Variants in CACNA2D3 observed in about 807,000 individuals in gnomAD.
CACNA2D3 encodes voltage-dependent calcium channel subunit alpha-2/delta-3.
CACNA2D3 carries 60 observed loss-of-function variants against 160.6 expected under a neutral mutation model. The ratio of observed to expected loss-of-function variants is 0.37; its 90% CI spans 0.30 to 0.46. CACNA2D3 has a LOEUF of 0.46. Among genes scored for constraint, CACNA2D3 ranks in the 20% least tolerant of loss-of-function variants. The pLI, the probability that CACNA2D3 is intolerant of heterozygous loss-of-function variation, is 1.00. For synonymous variants in CACNA2D3, 558 were observed against 492.9 expected, an observed-to-expected ratio of 1.13 and a Z score of -1.75; for missense variants, 1,205 against 1,365.0, an observed-to-expected ratio of 0.88 and a Z score of 1.85.
chr3:54,677,594 T>C (rs527711666), intron 11 of CACNA2D3, among the ~76,000 whole-genome samples: 7 of 143,270 alleles, frequency 4.9e-5, no homozygotes, highest in Non-Finnish European at 7.6e-5. Flanking sequence ...AAAACAATGA[T>C]ATTTGAATAG....
intron 13 of CACNA2D3, among the ~76,000 whole-genome samples, chr3:54,812,908 A>G (rs907130271): frequency 1.1e-4 from 17 of 152,350 alleles, no homozygotes; most frequent in African/African-American, 3.1e-4. Flanking sequence ...AAAGCAAAAG[A>G]GCTAAAACTG....
At chr3:54,932,725 T>C (rs1701221196) in intron 27 of CACNA2D3, among the ~76,000 whole-genome samples, 2 of 152,324 alleles carry the variant, frequency 1.3e-5, no homozygotes, top group East Asian at 3.9e-4. Context: ...AATTGTAAGG[T>C]CTGCCTTGGT....
In CACNA2D3 at chr3:54,969,800, T is replaced by G; in HGVS notation, c.2512T>G (p.Cys838Gly). ...TTCCCTCCACTTTTTGCCTTCACAG[T>G]GTGCTTCCCTGGATGGCAAATGCTC... The part of the protein sequence containing the change: ...QRKFWTASRQ[C>G]ASLDGKCSIS... Residue 838 changes from cysteine (C) to glycine (G), a missense_variant and splice_region_variant, in exon 29 of 38, where the codon TGT becomes GGT. Physicochemically the swap from Cys to Gly is radical, Grantham distance 159. This residue lies in a region of CACNA2D3 where 911 missense variants were observed against 1,002.2 expected (regional missense o/e 0.91). Coordinates refer to ENST00000474759, the MANE Select transcript of CACNA2D3 (RefSeq NM_018398.3). 1.2e-6 allele frequency: 2 copies of G among 1,612,558 alleles called. No homozygotes were observed. The highest frequency in any genetic ancestry group is 1.7e-6 in the Non-Finnish European group (2 of 1,179,208).
chr3:54,188,567 C>T (rs1576987686), intron 2 of CACNA2D3, among the ~76,000 whole-genome samples: 1 of 152,172 alleles, frequency 6.6e-6, no homozygotes, highest in Non-Finnish European at 1.5e-5. Context: ...CTGTGATAGA[C>T]CACTTGGAGT....
chr3:54,984,604 C>A lies in CACNA2D3; in HGVS notation c.2557-4C>A. The A allele has an allele frequency of 2.7e-6, 4 of 1,503,678 alleles. No individual in the cohort carries two copies. The African/African-American group carries it at 5.8e-5, about 22-fold the overall frequency. The allele number at this position is 1,503,678 out of a possible 1,614,324, so 93.1% of individuals were successfully genotyped here. ...TTGTTTTTGTTTTTTTTTTAATTTT[C>A]TAGACTGTGAATTGTTACCTCATAG... is the stretch of plus-strand genomic sequence containing the variant. On this transcript the variant is annotated splice_region_variant and splice_polypyrimidine_tract_variant and intron_variant, in intron 29 of 37. Transcript: ENST00000474759.
intron 24 of CACNA2D3, among the ~76,000 whole-genome samples, chr3:54,890,423 G>C (rs1386746963): frequency 1.3e-5 from 2 of 149,644 alleles, no homozygotes; most frequent in African/African-American, 2.5e-5. Context: ...ATGAACCCGG[G>C]AGGCGGAGCT....
intron 27 of CACNA2D3, among the ~76,000 whole-genome samples, chr3:54,906,803 C>G (rs1700457742): frequency 6.6e-6 from 1 of 152,152 alleles, no homozygotes; most frequent in South Asian, 2.1e-4. Flanking sequence ...AGGTCTAAGC[C>G]AGTAGGACTG....
chr3:54,399,887 C>T (rs1168553142), intron 4 of CACNA2D3, among the ~76,000 whole-genome samples: 1 of 124,880 alleles, frequency 8.0e-6, no homozygotes, highest in Non-Finnish European at 1.7e-5. Context: ...TGGCGGGCGC[C>T]CCTCCCCCAG....
intron 24 of CACNA2D3, among the ~76,000 whole-genome samples, 153 bp from the exon 25 acceptor site, chr3:54,891,180 CGTGTGTGTGTGTGTGTGTGTGT>C (rs3836392): frequency 2.1e-5 from 3 of 141,900 alleles, no homozygotes; most frequent in South Asian, 2.4e-4. Flanking sequence ...AATCTGTGCT[CGTGTGTGTGTGTGTGTGTGTGT>C]GTGTGTGTGT....
chr3:54,702,877 A>G (rs1559553619), intron 11 of CACNA2D3, among the ~76,000 whole-genome samples: 1 of 152,264 alleles, frequency 6.6e-6, no homozygotes, highest in African/African-American at 2.4e-5. Flanking sequence ...GTACATACAC[A>G]TCATGGAATA....
intron 3 of CACNA2D3, among the ~76,000 whole-genome samples, chr3:54,380,601 G>C (rs907300067): frequency 6.6e-6 from 1 of 152,210 alleles, no homozygotes; most frequent in African/African-American, 2.4e-5. Context: ...AGCCAGGCAT[G>C]GTAGCGGGCA....
chr3:54,621,353 G>T (rs976219474), intron 9 of CACNA2D3, among the ~76,000 whole-genome samples: 2 of 152,248 alleles, frequency 1.3e-5, no homozygotes, highest in Non-Finnish European at 2.9e-5. Flanking sequence ...GTGGCTGTTT[G>T]TCAGAGATAA....
At chr3:54,768,849 T>C (rs913517551) in intron 13 of CACNA2D3, among the ~76,000 whole-genome samples, 1 of 152,212 alleles carries the variant, frequency 6.6e-6, no homozygotes, top group African/African-American at 2.4e-5. Context: ...CCCAAGGTTC[T>C]GTTGCTGTAT....
At chr3:55,039,122 C>T (rs953266137) in intron 35 of CACNA2D3, among the ~76,000 whole-genome samples, 9 of 151,768 alleles carry the variant, frequency 5.9e-5, no homozygotes, top group African/African-American at 1.5e-4. Context: ...CTAGCATCTT[C>T]GCAAAATACA....
chr3:54,434,688 C>T (rs1164572967), intron 4 of CACNA2D3, among the ~76,000 whole-genome samples: 1 of 152,216 alleles, frequency 6.6e-6, no homozygotes, highest in East Asian at 1.9e-4. Flanking sequence ...AGTCAGGGGT[C>T]AGGCCCACCC....
At chr3:54,689,305 C>G (rs1165521281) in intron 11 of CACNA2D3, among the ~76,000 whole-genome samples, 1 of 152,126 alleles carries the variant, frequency 6.6e-6, no homozygotes, top group Non-Finnish European at 1.5e-5. Flanking sequence ...CCTACATGCT[C>G]CAGGCACAGT....
rs552534870 is a variant in CACNA2D3, at chr3:54,349,072, A to T, written c.321+28514A>T. Reference sequence around the variant, plus strand: ...AGCATCCTGCAGTAGGAAGTGAGAGACTCTTGGTTGTGTCCCAGGGAGGGA... The same window carrying T: ...AGCATCCTGCAGTAGGAAGTGAGAGTCTCTTGGTTGTGTCCCAGGGAGGGA... On this transcript the variant is annotated intron_variant, in intron 3 of 37. Coordinates refer to ENST00000474759, the MANE Select transcript of CACNA2D3 (RefSeq NM_018398.3). 1.1e-4 allele frequency among the ~76,000 whole-genome samples: 16 copies of T among 151,898 alleles called. No individual in the cohort carries two copies. In the East Asian group the frequency reaches 2.9e-3, roughly 28 times the overall value.
At chr3:54,811,236 C>T (rs1369495248) in intron 13 of CACNA2D3, among the ~76,000 whole-genome samples, 1 of 152,118 alleles carries the variant, frequency 6.6e-6, no homozygotes, top group Non-Finnish European at 1.5e-5. Flanking sequence ...TGTTTTTCCT[C>T]AACTGTGCTT....
chr3:54,673,913 C>G (rs1700198723), intron 11 of CACNA2D3, among the ~76,000 whole-genome samples: 1 of 152,186 alleles, frequency 6.6e-6, no homozygotes, highest in South Asian at 2.1e-4. Context: ...GCCAGCCTGC[C>G]TAAGAGGCAG....
Sources: gnomAD v4.1 joint callset for allele counts (sites outside exome capture counted in the v4.1 genomes callset) on GRCh38, gnomAD v4.1.1 for gene constraint, gnomAD v4.1.1 regional missense constraint, MANE v1.5 for transcripts, NCBI Gene and HGNC (gene_info 2026-07-23, HGNC 2026-07-21) for gene names.